Variants in EYA1 observed in about 807,000 individuals in gnomAD.
EYA1 encodes the protein EYA transcriptional coactivator and phosphatase 1, also known as protein phosphatase EYA1.
EYA1 carries 16 observed loss-of-function variants against 82.0 expected under a neutral mutation model. The ratio of observed to expected loss-of-function variants is 0.20; its 90% CI spans 0.13 to 0.30. EYA1 has a LOEUF of 0.30. Ranked by LOEUF, EYA1 falls within the 10% of genes least tolerant of loss-of-function variation. The pLI is 1.00. For missense variants in EYA1, 633 were observed against 730.7 expected (o/e 0.87, Z 1.54); for synonymous variants, 261 against 264.4 (o/e 0.99, Z 0.12).
chr8:71,311,881 C>T (rs1280191617), intron 7 of EYA1, among the ~76,000 whole-genome samples: 3 of 152,136 alleles, frequency 2.0e-5, no homozygotes, highest in East Asian at 3.9e-4. Context: ...AAAATCTGAT[C>T]CTTGTTTAGT....
At position 71,202,416 on chromosome 8, in the gene EYA1, T is replaced by C. The variant is rs150428852; in HGVS notation, c.1699-2996A>G. Among the ~76,000 whole-genome samples, 17 of 152,258 alleles carry C rather than the reference T, an allele frequency of 1.1e-4. No homozygotes were observed. The East Asian group carries it at 3.3e-3, about 29-fold the overall frequency. ...TTTTCTTTTAAACCATACTCAACAC[T>C]ATCGGGAAAGGTGAGATAATCTGCA... On this transcript the variant is annotated intron_variant, in intron 17 of 17. Transcript: ENST00000340726.
At chr8:71,370,281 G>A (rs1828003739) in intron 2 of EYA1, among the ~76,000 whole-genome samples, 2 of 151,236 alleles carry the variant, frequency 1.3e-5, no homozygotes, top group South Asian at 4.2e-4. Flanking sequence ...TTCAAATTTT[G>A]CACCTTTTAG....
intron 2 of EYA1, among the ~76,000 whole-genome samples, chr8:71,527,413 CAAAT>C (rs1183985074): frequency 3.9e-5 from 6 of 152,160 alleles, no homozygotes; most frequent in Non-Finnish European, 8.8e-5. Flanking sequence ...GATCTTCTCC[CAAAT>C]TCTTCATTTT....
chr8:71,341,456 G>A (rs886190275), intron 3 of EYA1, among the ~76,000 whole-genome samples: 1 of 152,162 alleles, frequency 6.6e-6, no homozygotes, highest in African/African-American at 2.4e-5. Flanking sequence ...GAGATGTGAA[G>A]AGAATAAAAT....
intron 2 of EYA1, among the ~76,000 whole-genome samples, chr8:71,399,765 A>G (rs1829845460): frequency 1.3e-5 from 2 of 152,208 alleles, no homozygotes; most frequent in South Asian, 4.1e-4. Flanking sequence ...CTAAACTACC[A>G]TTGAAATGCT....
chr8:71,406,076 C>T (rs1003956325), intron 2 of EYA1, among the ~76,000 whole-genome samples: 3 of 152,172 alleles, frequency 2.0e-5, no homozygotes, highest in African/African-American at 7.2e-5. Context: ...TGTCCAAACT[C>T]AGCAAATTGT....
intron 16 of EYA1, among the ~76,000 whole-genome samples, chr8:71,215,115 G>T (rs1044163228): frequency 6.6e-5 from 10 of 152,004 alleles, no homozygotes; most frequent in Non-Finnish European, 1.5e-4. Context: ...ATAAAAATAT[G>T]ATAATAATCC....
chr8:71,264,559 T>G (rs950820841), intron 11 of EYA1, among the ~76,000 whole-genome samples: 5 of 150,728 alleles, frequency 3.3e-5, no homozygotes, highest in African/African-American at 1.2e-4. Flanking sequence ...GCATGGACTT[T>G]TACATTCGTG....
chr8:71,324,352 G>T (rs186051779), intron 4 of EYA1, among the ~76,000 whole-genome samples: 1 of 152,184 alleles, frequency 6.6e-6, no homozygotes, highest in Admixed American at 6.5e-5. Flanking sequence ...CCTAGGTTCT[G>T]GAATCAGAAT....
At chr8:71,203,572 TG>T (rs1167474277) in intron 17 of EYA1, among the ~76,000 whole-genome samples, 1 of 152,046 alleles carries the variant, frequency 6.6e-6, no homozygotes, top group African/African-American at 2.4e-5. Context: ...CTGTGGAGGA[TG>T]GGGCTGGACT....
intron 11 of EYA1, among the ~76,000 whole-genome samples, chr8:71,252,988 G>A (rs1008609936): frequency 6.6e-6 from 1 of 152,148 alleles, no homozygotes; most frequent in Non-Finnish European, 1.5e-5. Flanking sequence ...ATGTATGCCA[G>A]TAATACATGG....
chr8:71,399,203 C>T (rs529234522), intron 2 of EYA1, among the ~76,000 whole-genome samples: 3 of 152,178 alleles, frequency 2.0e-5, no homozygotes, highest in Non-Finnish European at 4.4e-5. Flanking sequence ...CACGGCTTCC[C>T]TTTGCTAGGA....
At chr8:71,491,494 A>C (rs1810994556) in intron 2 of EYA1, among the ~76,000 whole-genome samples, 2 of 152,154 alleles carry the variant, frequency 1.3e-5, no homozygotes. Context: ...CGGGGTTTTA[A>C]AAAGGCAATT....
intron 2 of EYA1, among the ~76,000 whole-genome samples, chr8:71,504,882 A>G (rs1190845408): frequency 1.3e-5 from 2 of 152,074 alleles, no homozygotes; most frequent in African/African-American, 4.8e-5. Flanking sequence ...GCTCACTACA[A>G]CCTCTGCCTC....
intron 12 of EYA1, among the ~76,000 whole-genome samples, chr8:71,229,211 TTC>T (rs2128878072): frequency 6.6e-6 from 1 of 152,154 alleles, no homozygotes; most frequent in Non-Finnish European, 1.5e-5. Flanking sequence ...CTGGAATGCC[TTC>T]TCTCTCCCTC....
chr8:71,430,595 C>CAGTTG (rs995440782), intron 2 of EYA1, among the ~76,000 whole-genome samples: 2 of 152,162 alleles, frequency 1.3e-5, no homozygotes, highest in African/African-American at 2.4e-5. Flanking sequence ...TATGAACATC[C>CAGTTG]AGTTGAGTCA....
intron 2 of EYA1, among the ~76,000 whole-genome samples, chr8:71,455,485 T>C (rs749893363): frequency 5.9e-5 from 9 of 152,170 alleles, no homozygotes; most frequent in Admixed American, 1.3e-4. Context: ...ATACCCCTGA[T>C]GAACATCAAT....
At chr8:71,350,750 CT>C (rs981757019) in intron 3 of EYA1, among the ~76,000 whole-genome samples, 7 of 152,130 alleles carry the variant, frequency 4.6e-5, no homozygotes, top group African/African-American at 1.7e-4. Context: ...TTCCTCACTC[CT>C]TACTCCAAGA....
intron 7 of EYA1, among the ~76,000 whole-genome samples, chr8:71,313,179 C>A (rs1224423044): frequency 6.6e-6 from 1 of 152,068 alleles, no homozygotes; most frequent in African/African-American, 2.4e-5. Flanking sequence ...TGATTTTTTT[C>A]TTCATGTTGT....
Sources: gnomAD v4.1 joint callset for allele counts (sites outside exome capture counted in the v4.1 genomes callset) on GRCh38, gnomAD v4.1.1 for gene constraint, MANE v1.5 for transcripts, NCBI Gene and HGNC (gene_info 2026-07-23, HGNC 2026-07-21) for gene names.